The following ALK variants were observed in gnomAD, a reference collection of about 807,000 sequenced individuals.
ALK encodes ALK tyrosine kinase receptor.
In ALK, 74 loss-of-function variants were observed where a neutral mutation model predicts 163.1. The ratio of observed to expected loss-of-function variants is 0.45; its 90% confidence interval spans 0.38 to 0.55. ALK has a LOEUF of 0.55. ALK is among the 20% of genes least tolerant of loss of function. ALK has a pLI of 0.00. For synonymous variants in ALK, 960 were observed against 843.2 expected (o/e 1.14, Z -2.40); for missense variants, 2,063 against 2,105.3 (o/e 0.98, Z 0.39).
intron 4 of ALK, among the ~76,000 whole-genome samples, chr2:29,495,742 C>G (rs1351896495): frequency 6.6e-6 from 1 of 152,200 alleles, no homozygotes. Flanking sequence ...CTGACTAAGA[C>G]TATCATGAAT....
At chr2:29,260,102 C>T (rs1665048583) in intron 11 of ALK, among the ~76,000 whole-genome samples, 1 of 152,170 alleles carries the variant, frequency 6.6e-6, no homozygotes, top group South Asian at 2.1e-4. Flanking sequence ...TCTTATAAGG[C>T]ATAAACTGTT....
intron 1 of ALK, among the ~76,000 whole-genome samples, chr2:29,851,703 G>A (rs4074280): frequency 0.47 from 71,204 of 151,946 alleles, 16,824 homozygotes; most frequent in Middle Eastern, 0.52. Context: ...CAAGCAGCTC[G>A]CCTTATTCAT....
At chr2:29,325,700 A>G (rs1301782073) in intron 6 of ALK, among the ~76,000 whole-genome samples, 1 of 152,246 alleles carries the variant, frequency 6.6e-6, no homozygotes, top group Non-Finnish European at 1.5e-5. Context: ...GCTTCTGGCT[A>G]TCAGTTTGAT....
intron 1 of ALK, among the ~76,000 whole-genome samples, chr2:29,846,072 G>A (rs1194887235): frequency 6.6e-6 from 1 of 152,200 alleles, no homozygotes. Context: ...ATCTGGTTTT[G>A]GGCTTGGGAG....
intron 4 of ALK, among the ~76,000 whole-genome samples, chr2:29,384,643 T>C (rs575248829): frequency 5.3e-5 from 3 of 56,896 alleles, no homozygotes; most frequent in African/African-American, 1.5e-4. Flanking sequence ...GATTCATAAA[T>C]GTCTGCGAGT....
At chr2:29,575,398 G>A (rs540748348) in intron 3 of ALK, among the ~76,000 whole-genome samples, 34 of 152,240 alleles carry the variant, frequency 2.2e-4, no homozygotes, top group African/African-American at 7.9e-4. Context: ...TGCAGCTGAG[G>A]CAGGAGACCA....
intron 9 of ALK, among the ~76,000 whole-genome samples, chr2:29,285,852 C>T (rs10168019): frequency 0.067 from 10,169 of 152,178 alleles, 472 homozygotes; most frequent in African/African-American, 0.13. Context: ...TATGAGCCAC[C>T]GCACCTGGCC....
At chr2:29,222,206 G>C in intron 22 of ALK, 138 bp downstream of exon 22, 1 of 784,038 alleles carries the variant, frequency 1.3e-6, no homozygotes. Flanking sequence ...TAGAATGTTT[G>C]GGAGTCTCCT....
At chr2:29,686,809 G>A (rs1678255451) in intron 3 of ALK, among the ~76,000 whole-genome samples, 1 of 152,154 alleles carries the variant, frequency 6.6e-6, no homozygotes, top group Non-Finnish European at 1.5e-5. Context: ...GTCCACCCCT[G>A]AGGCAAGCAT....
intron 8 of ALK, among the ~76,000 whole-genome samples, chr2:29,313,096 T>C (rs1156246241): frequency 1.3e-5 from 2 of 152,224 alleles, no homozygotes; most frequent in Non-Finnish European, 2.9e-5. Context: ...TGGCCATGCA[T>C]GGGCAGAGAG....
intron 1 of ALK, among the ~76,000 whole-genome samples, chr2:29,823,889 A>C (rs1665120998): frequency 6.6e-6 from 1 of 152,222 alleles, no homozygotes; most frequent in African/African-American, 2.4e-5. Context: ...TTGCATATTA[A>C]TCCCCAAGAC....
At chr2:29,530,665 A>G (rs1000070765) in intron 4 of ALK, among the ~76,000 whole-genome samples, 1 of 152,250 alleles carries the variant, frequency 6.6e-6, no homozygotes, top group African/African-American at 2.4e-5. Context: ...CAGGCTTCTT[A>G]CTGGAAAGAG....
intron 1 of ALK, among the ~76,000 whole-genome samples, chr2:29,782,237 T>C (rs969756533): frequency 2.0e-5 from 3 of 152,130 alleles, no homozygotes; most frequent in Admixed American, 1.3e-4. Flanking sequence ...AAGGATTCTC[T>C]GGAGTCAGGG....
chr2:29,848,729 C>T (rs143216669), intron 1 of ALK, among the ~76,000 whole-genome samples: 161 of 152,250 alleles, frequency 1.1e-3, no homozygotes, highest in Middle Eastern at 6.8e-3. Flanking sequence ...GGCTATGTCG[C>T]TCTGAAGGCT....
intron 3 of ALK, among the ~76,000 whole-genome samples, chr2:29,666,863 C>T (rs1677528234): frequency 6.6e-6 from 1 of 152,034 alleles, no homozygotes; most frequent in African/African-American, 2.4e-5. Flanking sequence ...TTCCCAGCCT[C>T]TGGTAACCAC....
Position 29,783,076 on chromosome 2 carries a change from A to G in ALK, c.668-65379T>C, listed in dbSNP as rs1663882047. 5.3e-5 allele frequency among the ~76,000 whole-genome samples: 8 copies of G among 152,212 alleles called. No homozygotes were observed. In the South Asian group the frequency reaches 1.7e-3, roughly 31 times the overall value. ...TCTGAGCCAGTGCAAGGCGTTTGTC[A>G]TTCCTCAAGGGCAGTGACTTAAAGA... is the stretch of plus-strand genomic sequence containing the variant. On this transcript the variant is annotated intron_variant, in intron 1 of 28. Coordinates refer to ENST00000389048, the MANE Select transcript of ALK (RefSeq NM_004304.5).
intron 3 of ALK, among the ~76,000 whole-genome samples, chr2:29,669,312 A>G (rs572121776): frequency 6.6e-6 from 1 of 152,040 alleles, no homozygotes; most frequent in Non-Finnish European, 1.5e-5. Flanking sequence ...TAATTGTTAT[A>G]TCCTCTTCTT....
intron 4 of ALK, among the ~76,000 whole-genome samples, chr2:29,525,558 G>A (rs1672935547): frequency 6.6e-6 from 1 of 152,174 alleles, no homozygotes; most frequent in East Asian, 1.9e-4. Flanking sequence ...TTGGGAGGCT[G>A]AGGTGGGTGG....
intron 24 of ALK, among the ~76,000 whole-genome samples, chr2:29,210,683 C>T (rs1055807945): frequency 2.6e-5 from 4 of 152,208 alleles, no homozygotes; most frequent in Non-Finnish European, 5.9e-5. Context: ...ATCCACCTGC[C>T]TCGGCCTCCC....
Sources: gnomAD v4.1 joint callset for allele counts (sites outside exome capture counted in the v4.1 genomes callset) on GRCh38, gnomAD v4.1.1 for gene constraint, MANE v1.5 for transcripts, NCBI Gene and HGNC (gene_info 2026-07-23, HGNC 2026-07-21) for gene names.